Variants in SLC27A2 observed in about 807,000 individuals in gnomAD.
SLC27A2 encodes solute carrier family 27 member 2.
Under a neutral mutation model 60.0 loss-of-function variants are expected in SLC27A2, and 54 were observed. That is an observed-to-expected ratio of 0.90 (90% CI 0.72 to 1.13). SLC27A2 has a LOEUF of 1.13. Among genes scored for constraint, SLC27A2 ranks in the 50% most tolerant of loss-of-function variants. SLC27A2 has a pLI of 0.00. For missense variants in SLC27A2, 739 were observed against 777.6 expected (o/e 0.95, Z 0.59); for synonymous variants, 297 against 297.6 (o/e 1.00, Z 0.02).
At chr15:50,217,916 C>T (rs549908415) in intron 4 of SLC27A2, among the ~76,000 whole-genome samples, 3 of 151,480 alleles carry the variant, frequency 2.0e-5, no homozygotes, top group South Asian at 4.2e-4. Context: ...TAGCTGGGCA[C>T]GGTGGTGGGC....
intron 4 of SLC27A2, among the ~76,000 whole-genome samples, 192 bp downstream of exon 4, chr15:50,205,555 T>C (rs1470164763): frequency 6.6e-6 from 1 of 152,114 alleles, no homozygotes; most frequent in Non-Finnish European, 1.5e-5. Context: ...AATATTATTA[T>C]TATGATGATG....
chr15:50,235,964 C>G lies in SLC27A2; in HGVS notation c.1731C>G (p.Thr577=), dbSNP rs777794890. The G allele has an allele frequency of 5.0e-6, 8 of 1,613,728 alleles. No homozygotes were observed. The highest frequency in any genetic ancestry group is 2.2e-5 in the South Asian group (2 of 90,986). Residue 577 remains threonine, a synonymous_variant, in exon 10 of 10, where the codon ACC becomes ACG. Transcript: ENST00000267842. ...GAACTTTTAAACACCGCAAAATGAC[C>G]CTGGTGGAGGAGGGCTTTAACCCTG... ...ITGTFKHRKM[T]LVEEGFNPAV... is the part of the protein sequence containing the mutation.
intron 1 of SLC27A2, among the ~76,000 whole-genome samples, chr15:50,192,887 G>GAA (rs199584990): frequency 1.4e-5 from 2 of 146,228 alleles, no homozygotes; most frequent in Non-Finnish European, 3.0e-5. Flanking sequence ...TGAAAAATAA[G>GAA]AAAAAAAAAA....
intron 3 of SLC27A2, among the ~76,000 whole-genome samples, chr15:50,204,852 T>TGC (rs1174034505): frequency 1.7e-4 from 22 of 129,368 alleles, no homozygotes; most frequent in African/African-American, 8.3e-4. Context: ...TATATATGTA[T>TGC]GTGTGTATAT....
chr15:50,182,867 T>A lies in SLC27A2; in HGVS notation c.440T>A (p.Phe147Tyr). ...NIRAKSLLHC[F>Y]QCCGAKVLLV... The stretch of plus-strand genomic sequence containing the variant: ...CGCGCGAAGTCCCTGCTGCACTGCT[T>A]CCAGTGCTGCGGGGCGAAGGTGCTG... Residue 147 changes from phenylalanine (F) to tyrosine (Y), a missense_variant, in exon 1 of 10, where the codon TTC becomes TAC. Coordinates refer to ENST00000267842, the MANE Select transcript of SLC27A2 (RefSeq NM_003645.4). The A allele has an allele frequency of 6.2e-7, 1 of 1,612,432 alleles. No homozygotes were observed.
chr15:50,212,036 A>T (rs970539372), intron 4 of SLC27A2, among the ~76,000 whole-genome samples: 2 of 141,998 alleles, frequency 1.4e-5, no homozygotes, highest in Non-Finnish European at 1.5e-5. Flanking sequence ...GCGCCACTGC[A>T]CTCCAGCCTG....
chr15:50,205,329 G>T lies in SLC27A2; in HGVS notation c.938G>T (p.Gly313Val). 1 of 1,609,160 alleles carries T rather than the reference G, an allele frequency of 6.2e-7. No homozygotes were observed. Among genetic ancestry groups the T allele is most frequent in the Non-Finnish European group, 8.5e-7 (1 of 1,176,952 alleles). The change falls in exon 4 of 10, where the codon GGT (glycine) becomes GTT (valine). Residue 313 changes from glycine to valine, a missense_variant. By Grantham distance (109) the Gly-to-Val change is moderately radical. Transcript: ENST00000267842. ...KYNVTVIQYI[G>V]ELLRYLCNSP... ...AACGTCACTGTCATTCAGTATATCG[G>T]TGAACTGCTTCGGTATTTATGCAAC...
At chr15:50,200,119 A>T (rs1407361332) in intron 2 of SLC27A2, among the ~76,000 whole-genome samples, 2 of 152,242 alleles carry the variant, frequency 1.3e-5, no homozygotes, top group Admixed American at 6.5e-5. Context: ...GGCAACAAAG[A>T]TGAGCATTTC....
chr15:50,202,089 T>C (rs796721702), intron 2 of SLC27A2, among the ~76,000 whole-genome samples: 16 of 152,354 alleles, frequency 1.1e-4, no homozygotes, highest in African/African-American at 3.8e-4. Context: ...GTCATTCCTC[T>C]GTTTCTGTTT....
intron 4 of SLC27A2, among the ~76,000 whole-genome samples, chr15:50,222,503 CT>C (rs1439330910): frequency 6.6e-6 from 1 of 152,238 alleles, no homozygotes; most frequent in Non-Finnish European, 1.5e-5. Flanking sequence ...CAGGGTCCCA[CT>C]GGTAGTAGAT....
chr15:50,228,376 CAAAAAA>C lies in SLC27A2; in HGVS notation c.1458-551_1458-546del, dbSNP rs71124333. Among the ~76,000 whole-genome samples, 72 of 77,282 alleles carry C rather than the reference CAAAAAA, an allele frequency of 9.3e-4. 1 individual carries two copies. The highest frequency in any genetic ancestry group is 3.8e-3 in the South Asian group (6 of 1,564). The allele number at this position is 77,282 out of a possible 152,430, so 50.7% of individuals were successfully genotyped here. A position where few individuals can be genotyped will look rare whatever the true frequency, so the allele number is the denominator to read the frequency against. The stretch of plus-strand genomic sequence containing the variant: ...TAAGTGATAGAATGAGACTCTGCCT[CAAAAAA>C]AAAAAAAAAAAAAAAAAGAATTTTT... On this transcript the variant is annotated intron_variant, in intron 7 of 9. Transcript: ENST00000267842.
intron 4 of SLC27A2, among the ~76,000 whole-genome samples, chr15:50,214,175 A>G (rs1051864876): frequency 2.0e-5 from 3 of 152,168 alleles, no homozygotes; most frequent in Admixed American, 1.3e-4. Flanking sequence ...CAAGGCTACT[A>G]TGAACACCCT....
chr15:50,231,213 C>T (rs1302442981), intron 8 of SLC27A2, among the ~76,000 whole-genome samples: 9 of 148,614 alleles, frequency 6.1e-5, no homozygotes, highest in Non-Finnish European at 1.3e-4. Flanking sequence ...GGCGCGATCT[C>T]GGCTCACTGT....
At chr15:50,219,082 A>G (rs2045224254) in intron 4 of SLC27A2, among the ~76,000 whole-genome samples, 1 of 152,270 alleles carries the variant, frequency 6.6e-6, no homozygotes, top group East Asian at 1.9e-4. Flanking sequence ...TATTATGGGC[A>G]GAATAATGTG....
intron 2 of SLC27A2, among the ~76,000 whole-genome samples, chr15:50,201,844 C>T (rs998609415): frequency 2.6e-5 from 4 of 152,074 alleles, no homozygotes; most frequent in Non-Finnish European, 2.9e-5. Flanking sequence ...CGTGAGCCAC[C>T]GCGCCTGGCC....
Position 50,228,977 on chromosome 15 carries a change from T to C in SLC27A2, c.1490T>C (p.Val497Ala), listed in dbSNP as rs769243886. The C allele has an allele frequency of 6.2e-7, 1 of 1,614,092 alleles. No homozygotes were observed. The highest frequency in any genetic ancestry group is 1.3e-5 in the African/African-American group (1 of 75,058). The change falls in exon 8 of 10, where the codon GTT becomes GCT. Residue 497 changes from valine to alanine, a missense_variant. Val to Ala is a moderately conservative substitution (Grantham distance 64). Coordinates refer to ENST00000267842, the MANE Select transcript of SLC27A2 (RefSeq NM_003645.4). ...GGGGAAAATGTGGCCACCACTGAAG[T>C]TGCTGATACAGTTGGACTGGTTGAT... ...WKGENVATTE[V>A]ADTVGLVDFV...
At chr15:50,204,847 ATG>A (rs1485461623) in intron 3 of SLC27A2, among the ~76,000 whole-genome samples, 2 of 144,948 alleles carry the variant, frequency 1.4e-5, no homozygotes, top group Non-Finnish European at 3.0e-5. Context: ...GTGTATATAT[ATG>A]TATGTGTGTA....
At chr15:50,214,476 A>G (rs2045180895) in intron 4 of SLC27A2, among the ~76,000 whole-genome samples, 1 of 152,130 alleles carries the variant, frequency 6.6e-6, no homozygotes, top group Admixed American at 6.6e-5. Flanking sequence ...CCATAGAGCC[A>G]GAATCACCCT....
At chr15:50,196,229 G>A (rs2045022574) in intron 1 of SLC27A2, among the ~76,000 whole-genome samples, 1 of 149,618 alleles carries the variant, frequency 6.7e-6, no homozygotes. Flanking sequence ...AGCATGAAAT[G>A]TGGTTTGCAT....
Sources: allele counts gnomAD v4.1 joint callset (sites outside exome capture counted in the v4.1 genomes callset), GRCh38; gene constraint gnomAD v4.1.1; transcripts MANE v1.5; gene names NCBI Gene and HGNC (gene_info 2026-07-23, HGNC 2026-07-21).